The following AMPH variants were observed in gnomAD, a reference collection of about 807,000 sequenced individuals.
AMPH encodes amphiphysin (Stiff-Mann syndrome with breast cancer 128kD autoantigen).
AMPH carries 49 observed loss-of-function variants against 99.1 expected under a neutral mutation model. That is an observed-to-expected ratio of 0.49 (90% CI 0.39 to 0.63). The LOEUF is 0.63. Among genes scored for constraint, AMPH ranks in the 20% least tolerant of loss-of-function variants. The pLI is 0.00. For synonymous variants in AMPH, 314 were observed against 317.3 expected (o/e 0.99, Z 0.11); for missense variants, 759 against 863.4 (o/e 0.88, Z 1.52).
intron 10 of AMPH, 84 bp downstream of exon 10, chr7:38,462,891 C>G: frequency 7.0e-7 from 1 of 1,420,972 alleles, no homozygotes; most frequent in Non-Finnish European, 9.4e-7. Flanking sequence ...CTCTTAAAGC[C>G]CCGGCACCGT....
intron 1 of AMPH, among the ~76,000 whole-genome samples, chr7:38,578,874 T>C (rs1792344151): frequency 6.6e-6 from 1 of 152,196 alleles, no homozygotes; most frequent in Non-Finnish European, 1.5e-5. Context: ...TTTTTACAAA[T>C]ATCTTTACTG....
chr7:38,473,775 A>T (rs1394037576), intron 7 of AMPH, among the ~76,000 whole-genome samples: 1 of 150,184 alleles, frequency 6.7e-6, no homozygotes, highest in Non-Finnish European at 1.5e-5. Flanking sequence ...AGAGCAAAAA[A>T]GTAATATCTG....
intron 17 of AMPH, among the ~76,000 whole-genome samples, chr7:38,395,466 G>A (rs1201723759): frequency 6.6e-6 from 1 of 152,180 alleles, no homozygotes; most frequent in Non-Finnish European, 1.5e-5. Flanking sequence ...TTGAGATAAT[G>A]AAATAAAGGA....
intron 10 of AMPH, among the ~76,000 whole-genome samples, 197 bp downstream of exon 10, chr7:38,462,778 G>A (rs892505220): frequency 1.3e-5 from 2 of 152,132 alleles, no homozygotes; most frequent in African/African-American, 4.8e-5. Flanking sequence ...TGAATATAGG[G>A]CATGTGAGGA....
chr7:38,516,443 T>C (rs1260446715), intron 2 of AMPH, among the ~76,000 whole-genome samples: 1 of 152,196 alleles, frequency 6.6e-6, no homozygotes, highest in Non-Finnish European at 1.5e-5. Context: ...ATGACTTCCA[T>C]ACAGTGTTAT....
rs185817862 is a variant in AMPH, at chr7:38,537,240, T to A, written c.70-2229A>T. On this transcript the variant is annotated intron_variant, in intron 1 of 20. Coordinates refer to ENST00000356264, the MANE Select transcript of AMPH (RefSeq NM_001635.4). The stretch of plus-strand genomic sequence containing the variant: ...AAAATAAGACTTCCAGAGGCAACCA[T>A]GAGGGACCTATATCTGATTGAGTGG... Among the ~76,000 whole-genome samples, 31 of 152,180 alleles carry A rather than the reference T, an allele frequency of 2.0e-4. 1 individual carries two copies. Among genetic ancestry groups the A allele is most frequent in the Admixed American group, 7.9e-4 (12 of 15,286 alleles).
intron 1 of AMPH, among the ~76,000 whole-genome samples, chr7:38,567,673 GT>G (rs1791796389): frequency 6.6e-6 from 1 of 152,210 alleles, no homozygotes; most frequent in Admixed American, 6.5e-5. Flanking sequence ...TCAAATGGAT[GT>G]TACTAACCTA....
At chr7:38,544,051 G>A (rs558414455) in intron 1 of AMPH, among the ~76,000 whole-genome samples, 3 of 152,196 alleles carry the variant, frequency 2.0e-5, no homozygotes, top group Admixed American at 6.5e-5. Context: ...AAGAAACACA[G>A]CCTGGTGACC....
At chr7:38,514,558 T>C (rs1231219192) in intron 2 of AMPH, among the ~76,000 whole-genome samples, 1 of 152,176 alleles carries the variant, frequency 6.6e-6, no homozygotes, top group Non-Finnish European at 1.5e-5. Flanking sequence ...ATGAGGTGAT[T>C]AGGCCATGAT....
At chr7:38,578,511 C>G (rs1792328530) in intron 1 of AMPH, among the ~76,000 whole-genome samples, 1 of 152,184 alleles carries the variant, frequency 6.6e-6, no homozygotes, top group African/African-American at 2.4e-5. Flanking sequence ...TCTGTAATCT[C>G]AACCCTTTGG....
intron 1 of AMPH, among the ~76,000 whole-genome samples, chr7:38,570,035 T>C (rs1317042850): frequency 1.3e-5 from 2 of 152,120 alleles, no homozygotes; most frequent in Non-Finnish European, 2.9e-5. Context: ...TGAGTGTAAA[T>C]GGATGTTCAA....
intron 12 of AMPH, among the ~76,000 whole-genome samples, chr7:38,434,136 G>A (rs1159018324): frequency 3.3e-5 from 5 of 152,184 alleles, no homozygotes; most frequent in Admixed American, 3.3e-4. Flanking sequence ...CCACCAGGAG[G>A]CTAGAGGGTT....
At chr7:38,572,376 A>C (rs768084924) in intron 1 of AMPH, among the ~76,000 whole-genome samples, 2 of 152,198 alleles carry the variant, frequency 1.3e-5, no homozygotes, top group African/African-American at 4.8e-5. Flanking sequence ...CCTGGTGTAC[A>C]GTAGGTGCTA....
intron 7 of AMPH, among the ~76,000 whole-genome samples, chr7:38,466,560 T>C (rs1479120356): frequency 6.6e-6 from 1 of 151,762 alleles, no homozygotes; most frequent in Non-Finnish European, 1.5e-5. Context: ...GGTCTGAACA[T>C]GAAGACTGAG....
At chr7:38,600,376 T>C (rs997402669) in intron 1 of AMPH, among the ~76,000 whole-genome samples, 3 of 152,160 alleles carry the variant, frequency 2.0e-5, no homozygotes, top group South Asian at 2.1e-4. Flanking sequence ...AAAAATAGTA[T>C]TTAATGGTGG....
intron 12 of AMPH, 119 bp downstream of exon 12, chr7:38,436,153 T>A: frequency 2.7e-6 from 2 of 731,000 alleles, no homozygotes; most frequent in South Asian, 3.6e-5. Flanking sequence ...TTAGGAAATA[T>A]CTGTCAACCA....
intron 20 of AMPH, among the ~76,000 whole-genome samples, chr7:38,386,781 C>A (rs1257475252): frequency 6.6e-6 from 1 of 152,048 alleles, no homozygotes; most frequent in Non-Finnish European, 1.5e-5. Flanking sequence ...TTTGAAGATG[C>A]TGGAAATGAC....
intron 15 of AMPH, among the ~76,000 whole-genome samples, chr7:38,426,244 GGTT>G (rs938900888): frequency 4.6e-5 from 7 of 152,228 alleles, no homozygotes; most frequent in African/African-American, 1.7e-4. Context: ...CCATTGAAGA[GGTT>G]GTCAGAACTG....
In AMPH at chr7:38,486,162, T is replaced by G. The variant is rs541410622; in HGVS notation, c.396+4888A>C. On this transcript the variant is annotated intron_variant, in intron 5 of 20. Transcript: ENST00000356264. ...GGAAAAATCAAGGTAACTATGAGTT[T>G]TTTTTTTTTTTGAGCAGATAAAATT... is the stretch of plus-strand genomic sequence containing the variant. Among the ~76,000 whole-genome samples, 4 of 148,686 alleles carry G rather than the reference T, an allele frequency of 2.7e-5. No homozygotes were observed. In the East Asian group the frequency reaches 7.9e-4, roughly 29 times the overall value.
Sources: gnomAD v4.1 joint callset for allele counts (sites outside exome capture counted in the v4.1 genomes callset) on GRCh38, gnomAD v4.1.1 for gene constraint, MANE v1.5 for transcripts, NCBI Gene and HGNC (gene_info 2026-07-23, HGNC 2026-07-21) for gene names.